CATSPERB: variants seen among roughly 807,000 people sequenced by gnomAD.
CATSPERB encodes the protein catsper channel auxiliary subunit beta.
CATSPERB carries 93 observed loss-of-function variants against 128.3 expected under a neutral mutation model. That is an observed-to-expected ratio of 0.72 (90% confidence interval 0.61 to 0.86). The LOEUF (loss-of-function observed/expected upper bound fraction) is 0.86, where lower values mean the gene tolerates loss of function less well. Among genes scored for constraint, CATSPERB ranks in the 40% least tolerant of loss-of-function variants. CATSPERB has a pLI of 0.00. For missense variants in CATSPERB, 1,153 were observed against 1,329.5 expected, an observed-to-expected ratio of 0.87 and a Z score of 2.06; for synonymous variants, 381 against 448.8, an observed-to-expected ratio of 0.85 and a Z score of 1.91.
intron 22 of CATSPERB, chr14:91,604,550 T>G: frequency 6.2e-7 from 1 of 1,608,262 alleles, no homozygotes; most frequent in South Asian, 1.1e-5. Flanking sequence ...GGCAGGAGAA[T>G]TTGGCTGGAA....
At chr14:91,724,276 A>G (rs2139781548) in intron 3 of CATSPERB, among the ~76,000 whole-genome samples, 1 of 152,300 alleles carries the variant, frequency 6.6e-6, no homozygotes. Context: ...TAAATGGCAG[A>G]ACCAAGACTG....
chr14:91,587,396 C>G, intron 25 of CATSPERB, 120 bp from the exon 26 acceptor site: 1 of 562,620 alleles, frequency 1.8e-6, no homozygotes, highest in Non-Finnish European at 2.9e-6. Flanking sequence ...GATTCCCATC[C>G]TCTTCCTAAG....
rs897868332 is a variant in CATSPERB, at chr14:91,580,732, A to G, written c.*157T>C. On this transcript the variant is annotated 3_prime_UTR_variant, in exon 27 of 27. Coordinates refer to ENST00000256343, the MANE Select transcript of CATSPERB (RefSeq NM_024764.4). ...ACATTTTCTATGTATTCAAAATAAG[A>G]AAAGGAAATGGTGAATATATTGACA... The G allele has an allele frequency of 1.6e-6, 1 of 634,438 alleles. No homozygotes were observed. The highest frequency in any genetic ancestry group is 1.8e-5 in the African/African-American group (1 of 54,452). 39.3% of individuals were successfully genotyped at this position (634,438 alleles called of 1,614,324 possible).
chr14:91,622,365 G>A (rs1188654520), intron 18 of CATSPERB, among the ~76,000 whole-genome samples: 1 of 152,168 alleles, frequency 6.6e-6, no homozygotes, highest in Non-Finnish European at 1.5e-5. Context: ...GAATGGATGA[G>A]TGATTGAGTA....
rs150673073 is a variant in CATSPERB, at chr14:91,693,039, C to G, written c.831+87G>C. On this transcript the variant is annotated intron_variant, in intron 9 of 26. Coordinates refer to ENST00000256343, the MANE Select transcript of CATSPERB (RefSeq NM_024764.4). ...AGAAGCATTTCAATTTTAAGATACA[C>G]CACACATAACTCAAGTATTAAATAT... 205 of 934,484 alleles carry G rather than the reference C, an allele frequency of 2.2e-4. 1 individual carries two copies. The East Asian group carries it at 4.1e-3, about 19-fold the overall frequency. 57.9% of individuals were successfully genotyped at this position (934,484 alleles called of 1,614,324 possible). A position where few individuals can be genotyped will look rare whatever the true frequency, so the allele number is the denominator to read the frequency against.
At chr14:91,612,051 TCTTTCTTTCTTTCTTC>T (rs779990176) in intron 20 of CATSPERB, among the ~76,000 whole-genome samples, 2,276 of 119,852 alleles carry the variant, frequency 0.019, 31 homozygotes, top group Middle Eastern at 0.028. Context: ...TTTCTTTCTT[TCTTTCTTTCTTTCTTC>T]CTTTTTTTAA....
chr14:91,694,842 A>G (rs1456621868), intron 7 of CATSPERB, among the ~76,000 whole-genome samples: 3 of 152,128 alleles, frequency 2.0e-5, no homozygotes, highest in Non-Finnish European at 4.4e-5. Flanking sequence ...TTTAAATGTG[A>G]GGTGCTGATC....
rs140677546 is a variant in CATSPERB, at chr14:91,637,555, A to T, written c.1588-976T>A. Among the ~76,000 whole-genome samples, 1,358 of 152,336 alleles carry T rather than the reference A, an allele frequency of 8.9e-3. 16 individuals are homozygous for T. The highest frequency in any genetic ancestry group is 0.044 in the Middle Eastern group (13 of 294). ...AGGTGGCTAAGAGCACAGGCCCCGG[A>T]GCCAGTTGCCTGGGATAGATGTCTA... On this transcript the variant is annotated intron_variant, in intron 16 of 26. Coordinates refer to ENST00000256343, the MANE Select transcript of CATSPERB (RefSeq NM_024764.4).
intron 13 of CATSPERB, 128 bp from the exon 14 acceptor site, chr14:91,670,100 G>T: frequency 1.2e-6 from 1 of 812,338 alleles, no homozygotes; most frequent in Non-Finnish European, 2.0e-6. Flanking sequence ...AGAAGGATTA[G>T]CAGTAATTGT....
intron 17 of CATSPERB, among the ~76,000 whole-genome samples, chr14:91,632,136 C>G (rs1894290120): frequency 6.6e-6 from 1 of 152,000 alleles, no homozygotes; most frequent in South Asian, 2.1e-4. Context: ...TGTAGTTGAA[C>G]TAAACTCTCC....
chr14:91,603,054 C>T (rs769079106), intron 22 of CATSPERB: 8 of 782,372 alleles, frequency 1.0e-5, no homozygotes, highest in Admixed American at 6.8e-5. Context: ...GTGTCTTTTG[C>T]CTTTTTGGGT....
At chr14:91,628,623 C>T (rs1263307631) in intron 17 of CATSPERB, among the ~76,000 whole-genome samples, 4 of 152,184 alleles carry the variant, frequency 2.6e-5, no homozygotes, top group Non-Finnish European at 4.4e-5. Flanking sequence ...TTCCCCTGCA[C>T]TGTCTCTTTC....
intron 21 of CATSPERB, among the ~76,000 whole-genome samples, chr14:91,609,491 T>A (rs1435887306): frequency 3.3e-5 from 5 of 152,228 alleles, no homozygotes; most frequent in African/African-American, 1.2e-4. Context: ...GTACAGTGTG[T>A]ACTACAGCTG....
At chr14:91,672,689 G>A (rs1203746780) in intron 13 of CATSPERB, among the ~76,000 whole-genome samples, 178 bp downstream of exon 13, 3 of 152,128 alleles carry the variant, frequency 2.0e-5, no homozygotes, top group South Asian at 2.1e-4. Context: ...AATGAATGAC[G>A]ACCAGGTGAG....
Position 91,621,801 on chromosome 14 carries a change from G to A in CATSPERB, c.2067C>T (p.Asn689=). 6.2e-7 allele frequency: 1 copy of A among 1,614,160 alleles called. No homozygotes were observed. The highest frequency in any genetic ancestry group is 1.3e-5 in the African/African-American group (1 of 75,052). The part of the protein sequence containing the change: ...AIATMPESAP[N]NMTFLKSTWF... ...ATGTGCTCTTTAGAAAGGTCATATT[G>A]TTGGGTGCACTTTCAGGCATGGTAG... Residue 689 remains asparagine (N), a synonymous_variant, in exon 19 of 27, where the codon AAC becomes AAT. Coordinates refer to ENST00000256343, the MANE Select transcript of CATSPERB (RefSeq NM_024764.4).
chr14:91,636,075 T>A (rs1394504447), intron 17 of CATSPERB: 1 of 186,126 alleles, frequency 5.4e-6, no homozygotes, highest in African/African-American at 2.3e-5. Context: ...AAATTTAGAT[T>A]CTATTGGCCA....
At position 91,708,095 on chromosome 14, in the gene CATSPERB, G is replaced by A. The variant is rs368872004; in HGVS notation, c.466+46C>T. 101 of 1,359,854 alleles carry A rather than the reference G, an allele frequency of 7.4e-5. No homozygotes were observed. In the East Asian group the frequency reaches 1.1e-3, roughly 15 times the overall value. The allele number at this position is 1,359,854 out of a possible 1,614,324, so 84.2% of individuals were successfully genotyped here. On this transcript the variant is annotated intron_variant, in intron 6 of 26. Transcript: ENST00000256343. ...CATATAGCGGATGTCAAAGTTTGTT[G>A]AAAGAATATATGAATTCCATTTTAC...
chr14:91,586,600 T>C (rs1479232026), intron 26 of CATSPERB, among the ~76,000 whole-genome samples: 1 of 78,612 alleles, frequency 1.3e-5, no homozygotes, highest in East Asian at 6.1e-4. Flanking sequence ...AGAGACAGAA[T>C]GTTAATGTAA....
At chr14:91,667,594 A>G (rs1365551103) in intron 14 of CATSPERB, among the ~76,000 whole-genome samples, 2 of 152,118 alleles carry the variant, frequency 1.3e-5, no homozygotes, top group African/African-American at 4.8e-5. Flanking sequence ...GAAATAATGA[A>G]ATCTATCTTT....
Sources: allele counts gnomAD v4.1 joint callset (sites outside exome capture counted in the v4.1 genomes callset), GRCh38; gene constraint gnomAD v4.1.1; transcripts MANE v1.5; gene names NCBI Gene and HGNC (gene_info 2026-07-23, HGNC 2026-07-21).